SPATA31C1: variants seen among roughly 807,000 people sequenced by gnomAD.
SPATA31C1 encodes SPATA31 subfamily C member 1.
exon 5 of SPATA31C1, chr9:87,921,638 T>C: frequency 1.2e-6 from 2 of 1,612,002 alleles, no homozygotes; most frequent in Non-Finnish European, 1.7e-6. Flanking sequence ...AGAGGAATCA[T>C]ATAGAAAACA....
At chr9:87,923,241 A>G in exon 5 of SPATA31C1, 1 of 1,603,618 alleles carries the variant, frequency 6.2e-7, no homozygotes, top group Non-Finnish European at 8.5e-7. Flanking sequence ...AGACCACAGC[A>G]GAATGCTGAG....
chr9:87,922,433 A>C (rs931018336), exon 5 of SPATA31C1: 2 of 1,609,828 alleles, frequency 1.2e-6, no homozygotes, highest in East Asian at 2.2e-5. Context: ...AAAGCTCTCT[A>C]CTCCCTAGAA....
chr9:87,919,224 T>G, intron 2 of SPATA31C1, 31 bp from the exon 2 acceptor site: 1 of 1,601,570 alleles, frequency 6.2e-7, no homozygotes, highest in Non-Finnish European at 8.5e-7. Context: ...GGAGAGCCGG[T>G]CCTAGCTCCT....
chr9:87,922,537 C>T, exon 5 of SPATA31C1: 1 of 1,610,756 alleles, frequency 6.2e-7, no homozygotes, highest in Non-Finnish European at 8.5e-7. Flanking sequence ...GAGACCCAGC[C>T]TCAAGTTTCT....
exon 5 of SPATA31C1, chr9:87,922,646 G>A (rs529896552): frequency 1.7e-5 from 28 of 1,608,704 alleles, no homozygotes; most frequent in Admixed American, 6.7e-5. Context: ...TCCAGAGCAC[G>A]CCTACTGGGA....
At chr9:87,920,755 G>C (rs771542609) in exon 5 of SPATA31C1, 9 of 1,613,840 alleles carry the variant, frequency 5.6e-6, no homozygotes, top group Non-Finnish European at 7.6e-6. Context: ...TCAGGCCTTG[G>C]CGGCTCAAAC....
intron 4 of SPATA31C1, 49 bp from the exon 4 acceptor site, chr9:87,920,203 C>A: frequency 6.2e-7 from 1 of 1,609,140 alleles, no homozygotes; most frequent in African/African-American, 1.3e-5. Context: ...CTCTGCCCTC[C>A]GAACCCATCT....
At chr9:87,920,347 C>A in exon 5 of SPATA31C1, 5 of 1,613,988 alleles carry the variant, frequency 3.1e-6, no homozygotes, top group Non-Finnish European at 4.2e-6. Flanking sequence ...GATGGAGCCT[C>A]CCGGTCCTCT....
At chr9:87,921,593 G>A (rs769614013) in exon 5 of SPATA31C1, 6 of 1,612,010 alleles carry the variant, frequency 3.7e-6, no homozygotes, top group East Asian at 4.5e-5. Flanking sequence ...AGCCCTTGAG[G>A]AGTGACTCAG....
intron 2 of SPATA31C1, chr9:87,918,883 T>C (rs1208445981): frequency 2.9e-6 from 1 of 341,000 alleles, no homozygotes; most frequent in East Asian, 8.1e-5. Context: ...GCTATTCTCC[T>C]GTCTTAGCGT....
chr9:87,923,106 C>T, exon 5 of SPATA31C1: 3 of 1,603,256 alleles, frequency 1.9e-6, no homozygotes, highest in Non-Finnish European at 1.7e-6. Context: ...AGCAGTTGGA[C>T]AGATACCGGA....
At chr9:87,923,522 A>G, downstream of SPATA31C1, 1 of 1,451,038 alleles carries the variant, frequency 6.9e-7, no homozygotes, top group East Asian at 2.3e-5. Flanking sequence ...GTCAGTCACA[A>G]ATTCCTTTTT....
At chr9:87,921,223 A>G (rs1419447312) in exon 5 of SPATA31C1, 7 of 1,611,854 alleles carry the variant, frequency 4.3e-6, no homozygotes, top group Admixed American at 1.7e-5. Context: ...CTTCCCCAGG[A>G]AAGACTGACA....
At chr9:87,923,378 T>A in exon 5 of SPATA31C1, 1 of 1,602,386 alleles carries the variant, frequency 6.2e-7, no homozygotes, top group South Asian at 1.1e-5. Flanking sequence ...GCCTGCGACA[T>A]CCCCAACTCT....
At chr9:87,919,160 C>G (rs545321716) in intron 2 of SPATA31C1, 95 bp from the exon 2 acceptor site, 6 of 1,558,356 alleles carry the variant, frequency 3.9e-6, no homozygotes, top group East Asian at 2.4e-5. Context: ...CTGAGCAAGA[C>G]AGACAGAGCC....
chr9:87,920,396 G>T, exon 5 of SPATA31C1: 1 of 1,613,954 alleles, frequency 6.2e-7, no homozygotes, highest in Non-Finnish European at 8.5e-7. Context: ...TTGTCTCCCC[G>T]TTAGCTTCCC....
At chr9:87,922,602 G>C in exon 5 of SPATA31C1, 1 of 1,609,194 alleles carries the variant, frequency 6.2e-7, no homozygotes, top group African/African-American at 1.3e-5. Flanking sequence ...CCATGCTTCA[G>C]AGAATTTGGC....
At chr9:87,915,637 T>C (rs559978128) in intron 1 of SPATA31C1, among the ~76,000 whole-genome samples, 1,963 of 143,970 alleles carry the variant, frequency 0.014, 141 homozygotes, top group South Asian at 0.04. Context: ...GAGGTTAGAT[T>C]GAGGTTATTG....
rs1345407689 is a variant in SPATA31C1, at chr9:87,921,652, T to C, written n.2042T>C. 6 of 1,611,870 alleles carry C rather than the reference T, an allele frequency of 3.7e-6. No homozygotes were observed. In the African/African-American group the frequency reaches 6.7e-5, roughly 18 times the overall value. ...GAGAGGAATCATATAGAAAACATCCTGAAAGCCCACATGGGCAGAAAGTTG... is the reference window on the plus strand; with the variant it reads ...GAGAGGAATCATATAGAAAACATCCCGAAAGCCCACATGGGCAGAAAGTTG... On this transcript the variant is annotated non_coding_transcript_exon_variant, in exon 5 of 5. Coordinates refer to ENST00000420021, the Ensembl canonical transcript of SPATA31C1.
Sources: allele counts gnomAD v4.1 joint callset (sites outside exome capture counted in the v4.1 genomes callset), GRCh38; gene constraint gnomAD v4.1.1; transcripts MANE v1.5; gene names NCBI Gene and HGNC (gene_info 2026-07-23, HGNC 2026-07-21).